TTLL11: variants seen among roughly 807,000 people sequenced by gnomAD.
The protein encoded by TTLL11 is tubulin polyglutamylase TTLL11.
A neutral mutation model predicts 51.7 loss-of-function variants in TTLL11; 42 were observed. The ratio of observed to expected loss-of-function variants is 0.81; its 90% confidence interval spans 0.64 to 1.05. The LOEUF is 1.05. Among genes scored for constraint, TTLL11 ranks in the 50% least tolerant of loss-of-function variants. The probability of loss-of-function intolerance (pLI) is 0.00; values close to 1 mark genes in which losing one functional copy is unlikely to be tolerated. For missense variants in TTLL11, 799 were observed against 940.4 expected (o/e 0.85, Z 1.97); for synonymous variants, 381 against 383.5 (o/e 0.99, Z 0.08).
At chr9:122,014,528 T>A (rs921143101) in intron 3 of TTLL11, among the ~76,000 whole-genome samples, 2 of 152,214 alleles carry the variant, frequency 1.3e-5, no homozygotes, top group African/African-American at 4.8e-5. Flanking sequence ...TGCCTGTGTT[T>A]AATTCCATCC....
At chr9:121,835,943 T>G (rs539917948) in intron 8 of TTLL11, among the ~76,000 whole-genome samples, 1 of 152,332 alleles carries the variant, frequency 6.6e-6, no homozygotes, top group African/African-American at 2.4e-5. Context: ...TCAAAATCTC[T>G]GGCTTAAAAA....
intron 3 of TTLL11, among the ~76,000 whole-genome samples, chr9:121,990,067 A>C (rs1002224866): frequency 8.5e-5 from 13 of 152,258 alleles, no homozygotes; most frequent in Admixed American, 5.9e-4. Flanking sequence ...TGAACAGGTC[A>C]TATAACTAAT....
At chr9:121,988,284 CT>C (rs1842987878) in intron 4 of TTLL11, among the ~76,000 whole-genome samples, 1 of 152,184 alleles carries the variant, frequency 6.6e-6, no homozygotes, top group Non-Finnish European at 1.5e-5. Flanking sequence ...GTGTTCTCTA[CT>C]CTGTAGACAC....
At chr9:121,992,071 T>TCA in intron 3 of TTLL11, among the ~76,000 whole-genome samples, 1 of 152,322 alleles carries the variant, frequency 6.6e-6, no homozygotes, top group East Asian at 1.9e-4. Context: ...TACTCTGGCC[T>TCA]CACCCTAAAG....
chr9:122,002,674 C>T (rs566332458), intron 3 of TTLL11, among the ~76,000 whole-genome samples: 1 of 152,038 alleles, frequency 6.6e-6, no homozygotes, highest in African/African-American at 2.4e-5. Flanking sequence ...TGGCTGGGTG[C>T]GGTGGCTCAT....
intron 1 of TTLL11, among the ~76,000 whole-genome samples, chr9:122,048,778 CATG>C (rs1359357534): frequency 6.6e-6 from 1 of 152,190 alleles, no homozygotes; most frequent in Admixed American, 6.5e-5. Context: ...ACTCCCCCTC[CATG>C]ATGATGATCT....
intron 6 of TTLL11, among the ~76,000 whole-genome samples, chr9:121,956,546 C>T (rs1194542241): frequency 1.3e-5 from 2 of 152,212 alleles, no homozygotes; most frequent in Non-Finnish European, 2.9e-5. Context: ...TGGCCTCCCT[C>T]GCCAGGGGCA....
chr9:122,057,642 A>G (rs1845327502), intron 1 of TTLL11, among the ~76,000 whole-genome samples: 1 of 152,170 alleles, frequency 6.6e-6, no homozygotes, highest in Non-Finnish European at 1.5e-5. Flanking sequence ...TCCACTTTTA[A>G]TTGAAGTAAA....
chr9:122,003,077 C>T (rs1212677473), intron 3 of TTLL11, among the ~76,000 whole-genome samples: 1 of 152,046 alleles, frequency 6.6e-6, no homozygotes, highest in Non-Finnish European at 1.5e-5. Context: ...ATGCCACAGT[C>T]TCAACAGGAC....
At position 121,929,297 on chromosome 9, in the gene TTLL11, G is replaced by T. The variant is rs571831975; in HGVS notation, c.1481+44712C>A. On this transcript the variant is annotated intron_variant, in intron 6 of 8. Transcript: ENST00000321582. ...TCTACTAAAAATACAAAAATTAGCT[G>T]GGTGTGGTGGCGCACACCTGTAATC... Among the ~76,000 whole-genome samples the T allele has an allele frequency of 1.8e-4, 28 of 152,036 alleles. No individual in the cohort carries two copies. The Middle Eastern group carries it at 0.01, about 55-fold the overall frequency.
intron 3 of TTLL11, among the ~76,000 whole-genome samples, chr9:121,991,873 G>T (rs1588183654): frequency 6.6e-6 from 1 of 152,182 alleles, no homozygotes; most frequent in Admixed American, 6.5e-5. Context: ...GAGGCTCAGA[G>T]AGGTGACGTG....
In TTLL11 at chr9:121,845,833, A is replaced by G. The variant is rs144833142; in HGVS notation, c.1840+14504T>C. On this transcript the variant is annotated intron_variant, in intron 8 of 8. Transcript: ENST00000321582. ...ACAAAATTCTCTATTAAAACCAGAAAAGGCAGAAAAGAGAAGTAAAAACAG... is the reference window on the plus strand; with the variant it reads ...ACAAAATTCTCTATTAAAACCAGAAGAGGCAGAAAAGAGAAGTAAAAACAG... Among the ~76,000 whole-genome samples, 845 of 152,308 alleles carry G rather than the reference A, an allele frequency of 5.5e-3. 6 individuals are homozygous for G. Among genetic ancestry groups the G allele is most frequent in the African/African-American group, 0.019 (791 of 41,584 alleles).
intron 3 of TTLL11, among the ~76,000 whole-genome samples, chr9:122,017,825 C>T (rs1007809145): frequency 5.3e-5 from 8 of 151,922 alleles, no homozygotes; most frequent in African/African-American, 1.2e-4. Context: ...AGATGTCCTA[C>T]GCACATTCAA....
chr9:121,967,311 G>A (rs1203606487), intron 6 of TTLL11, among the ~76,000 whole-genome samples: 6 of 132,260 alleles, frequency 4.5e-5, no homozygotes, highest in African/African-American at 8.4e-5. Flanking sequence ...TGCAACCTCC[G>A]CCTCCCGGGT....
Position 121,967,543 on chromosome 9 carries a change from C to A in TTLL11, c.1481+6466G>T, listed in dbSNP as rs1690843351. On this transcript the variant is annotated intron_variant, in intron 6 of 8. Transcript: ENST00000321582. ...CAGCCTCAGAGGGAGGTTCTTGAAC[C>A]AGGGAACTGACCAGCATGATGAGTT... is the stretch of plus-strand genomic sequence containing the variant. Among the ~76,000 whole-genome samples, 6 of 152,260 alleles carry A rather than the reference C, an allele frequency of 3.9e-5. No individual in the cohort carries two copies. The South Asian group carries it at 1.2e-3, about 32-fold the overall frequency.
intron 4 of TTLL11, among the ~76,000 whole-genome samples, chr9:121,986,951 G>A (rs776893314): frequency 1.1e-4 from 17 of 151,794 alleles, no homozygotes; most frequent in Non-Finnish European, 2.2e-4. Context: ...GTGCAAATGA[G>A]GCAGTACCCA....
intron 6 of TTLL11, among the ~76,000 whole-genome samples, chr9:121,880,565 A>G (rs1838748612): frequency 6.6e-6 from 1 of 152,128 alleles, no homozygotes. Context: ...CACAGTATAC[A>G]TTATTTTTTC....
intron 6 of TTLL11, among the ~76,000 whole-genome samples, chr9:121,973,673 A>G (rs866701465): frequency 4.7e-4 from 72 of 152,184 alleles, no homozygotes; most frequent in African/African-American, 1.7e-3. Flanking sequence ...CAGCACACCA[A>G]CATGGCACAT....
intron 1 of TTLL11, among the ~76,000 whole-genome samples, chr9:122,084,321 C>T (rs931791195): frequency 6.6e-6 from 1 of 152,088 alleles, no homozygotes; most frequent in Non-Finnish European, 1.5e-5. Flanking sequence ...CCTGCAAGTA[C>T]TTATAAAGCA....
Sources: gnomAD v4.1 joint callset for allele counts (sites outside exome capture counted in the v4.1 genomes callset) on GRCh38, gnomAD v4.1.1 for gene constraint, MANE v1.5 for transcripts, NCBI Gene and HGNC (gene_info 2026-07-23, HGNC 2026-07-21) for gene names.